MSMB: variants seen among roughly 807,000 people sequenced by gnomAD.
MSMB encodes microseminoprotein beta.
Under a neutral mutation model 10.5 loss-of-function variants are expected in MSMB, and 10 were observed. The observed-to-expected ratio is 0.95, with a 90% CI of 0.59 to 1.62. The LOEUF is 1.62. Among genes scored for constraint, MSMB ranks in the 40% most tolerant of loss-of-function variants. MSMB has a pLI of 0.00. For synonymous variants in MSMB, 43 were observed against 46.5 expected (o/e 0.93, Z 0.30); for missense variants, 126 against 137.4 (o/e 0.92, Z 0.42).
chr10:46,035,725 T>C (rs998612937), intron 3 of MSMB, among the ~76,000 whole-genome samples: 6 of 152,188 alleles, frequency 3.9e-5, no homozygotes, highest in Non-Finnish European at 7.3e-5. Flanking sequence ...GGAAATAGTG[T>C]TTATGGTTGC....
chr10:46,034,926 C>T (rs1554927368), intron 3 of MSMB, among the ~76,000 whole-genome samples: 4 of 151,858 alleles, frequency 2.6e-5, no homozygotes. Context: ...ACAGCTTGAT[C>T]CCAGGAGTTT....
intron 1 of MSMB, among the ~76,000 whole-genome samples, chr10:46,044,964 C>T (rs1840858413): frequency 1.3e-5 from 2 of 152,104 alleles, no homozygotes; most frequent in African/African-American, 4.8e-5. Context: ...TCCCACCCCA[C>T]TGTTGTTTTA....
At chr10:46,040,477 T>A (rs1472466221) in intron 1 of MSMB, among the ~76,000 whole-genome samples, 1 of 152,176 alleles carries the variant, frequency 6.6e-6, no homozygotes, top group East Asian at 1.9e-4. Context: ...CTAAGTTGCT[T>A]AACCAACCTT....
intron 3 of MSMB, among the ~76,000 whole-genome samples, chr10:46,038,705 T>C (rs926358556): frequency 6.6e-6 from 1 of 152,140 alleles, no homozygotes; most frequent in Non-Finnish European, 1.5e-5. Context: ...CAAGGTAGGT[T>C]CATCAGTCAT....
Position 46,033,444 on chromosome 10 carries a change from G to C in MSMB, c.323C>G (p.Ser108Cys). The C allele has an allele frequency of 6.2e-7, 1 of 1,613,884 alleles. No homozygotes were observed. The highest frequency in any genetic ancestry group is 8.5e-7 in the Non-Finnish European group (1 of 1,179,774). The change falls in exon 4 of 4, where the codon TCT becomes TGT. Residue 108 changes from serine (S) to cysteine (C), a missense_variant. Transcript: ENST00000582163. ...ACATTAGATTATCCATTCACTGACAGAACAGGTCTTTTTTGGGTCCTTCTT... is the reference window on the plus strand; with the variant it reads ...ACATTAGATTATCCATTCACTGACACAACAGGTCTTTTTTGGGTCCTTCTT... Reference protein sequence around the residue: ...VEKKDPKKTCSVSEWII With the variant: ...VEKKDPKKTCCVSEWII
chr10:46,033,344 G>A lies in MSMB; in HGVS notation c.*78C>T, dbSNP rs937413822. The A allele has an allele frequency of 5.8e-6, 9 of 1,546,004 alleles. No homozygotes were observed. Among genetic ancestry groups the A allele is most frequent in the African/African-American group, 4.1e-5 (3 of 72,432 alleles). ...CAAAAATCTTTTTACTGATAGGCAT[G>A]GCTACACAATCATTGACTATTAGAG... is the stretch of plus-strand genomic sequence containing the variant. On this transcript the variant is annotated 3_prime_UTR_variant, in exon 4 of 4. Coordinates refer to ENST00000582163, the MANE Select transcript of MSMB (RefSeq NM_002443.4).
At chr10:46,036,110 T>C (rs1465845370) in intron 3 of MSMB, among the ~76,000 whole-genome samples, 2 of 152,152 alleles carry the variant, frequency 1.3e-5, no homozygotes, top group African/African-American at 4.8e-5. Flanking sequence ...TCCCTTTTCC[T>C]CACCCAAGTC....
intron 3 of MSMB, among the ~76,000 whole-genome samples, chr10:46,038,408 C>T (rs1840662970): frequency 6.6e-6 from 1 of 152,050 alleles, no homozygotes. Context: ...CTGCCTCAGC[C>T]TCCCAAGTAG....
At chr10:46,033,650 C>T (rs1329459279) in intron 3 of MSMB, 99 bp from the exon 4 acceptor site, 4 of 1,537,074 alleles carry the variant, frequency 2.6e-6, no homozygotes, top group Non-Finnish European at 3.5e-6. Flanking sequence ...CACACTCCAA[C>T]TTAAGGGCAC....
Position 46,040,734 on chromosome 10 carries a change from C to G in MSMB, c.4-643G>C, listed in dbSNP as rs192786927. On this transcript the variant is annotated intron_variant, in intron 1 of 3. Transcript: ENST00000582163. The stretch of plus-strand genomic sequence containing the variant: ...CTCTGGGAGGCCAAGGCGGGTGGAT[C>G]ATGAGGTCAGGAGATCGAGACCATC... Among the ~76,000 whole-genome samples the G allele has an allele frequency of 3.3e-5, 5 of 152,066 alleles. No individual in the cohort carries two copies. In the East Asian group the frequency reaches 7.8e-4, roughly 24 times the overall value.
intron 1 of MSMB, among the ~76,000 whole-genome samples, chr10:46,040,351 A>G (rs1320384300): frequency 6.6e-6 from 1 of 152,184 alleles, no homozygotes; most frequent in Non-Finnish European, 1.5e-5. Context: ...GAAAGGGAAG[A>G]TGGTGTTAAA....
chr10:46,040,937 G>A (rs1181728720), intron 1 of MSMB, among the ~76,000 whole-genome samples: 1 of 151,106 alleles, frequency 6.6e-6, no homozygotes, highest in Non-Finnish European at 1.5e-5. Context: ...CTGGGTGACA[G>A]AGCGAGACTC....
intron 3 of MSMB, among the ~76,000 whole-genome samples, chr10:46,037,130 T>C (rs1840626766): frequency 1.3e-5 from 2 of 152,174 alleles, no homozygotes; most frequent in Non-Finnish European, 2.9e-5. Context: ...TCAAGTTCAG[T>C]AGGACTCAGG....
intron 3 of MSMB, among the ~76,000 whole-genome samples, chr10:46,034,264 C>T (rs1262779514): frequency 6.6e-6 from 1 of 151,876 alleles, no homozygotes; most frequent in Non-Finnish European, 1.5e-5. Flanking sequence ...AGGAGCACAC[C>T]ACTACACCCA....
At chr10:46,037,266 T>C (rs1473789286) in intron 3 of MSMB, among the ~76,000 whole-genome samples, 2 of 152,170 alleles carry the variant, frequency 1.3e-5, no homozygotes, top group Non-Finnish European at 2.9e-5. Context: ...AGTTCTGGGA[T>C]GGAGCCCAGG....
chr10:46,035,450 T>C (rs1260798771), intron 3 of MSMB, among the ~76,000 whole-genome samples: 5 of 152,238 alleles, frequency 3.3e-5, no homozygotes, highest in African/African-American at 1.2e-4. Context: ...GGTATGACCA[T>C]GCCATGGAAT....
At chr10:46,042,311 G>A (rs1485107605) in intron 1 of MSMB, among the ~76,000 whole-genome samples, 1 of 151,956 alleles carries the variant, frequency 6.6e-6, no homozygotes, top group African/African-American at 2.4e-5. Flanking sequence ...CAGAAATGAT[G>A]AATAAACACA....
chr10:46,042,760 C>A (rs1297684856), intron 1 of MSMB, among the ~76,000 whole-genome samples: 1 of 152,166 alleles, frequency 6.6e-6, no homozygotes, highest in Non-Finnish European at 1.5e-5. Flanking sequence ...CCACATGTCA[C>A]GACATGAAAT....
At chr10:46,042,465 ATGAC>A (rs1164946563) in intron 1 of MSMB, among the ~76,000 whole-genome samples, 1 of 152,234 alleles carries the variant, frequency 6.6e-6, no homozygotes, top group Admixed American at 6.5e-5. Context: ...ATGCACAAGA[ATGAC>A]TTACTTTGAA....
Sources: gnomAD v4.1 joint callset for allele counts (sites outside exome capture counted in the v4.1 genomes callset) on GRCh38, gnomAD v4.1.1 for gene constraint, MANE v1.5 for transcripts, NCBI Gene and HGNC (gene_info 2026-07-23, HGNC 2026-07-21) for gene names.